FAM120B: variants seen among roughly 807,000 people sequenced by gnomAD.
The protein encoded by FAM120B is constitutive coactivator of peroxisome proliferator-activated receptor gamma.
FAM120B carries 83 observed loss-of-function variants against 96.3 expected under a neutral mutation model. The ratio of observed to expected loss-of-function variants is 0.86; its 90% CI spans 0.72 to 1.03. The LOEUF is 1.03. Ranked by LOEUF, FAM120B falls within the 50% of genes least tolerant of loss-of-function variation. The pLI, the probability that FAM120B is intolerant of heterozygous loss-of-function variation, is 0.00. For missense variants in FAM120B, 1,027 were observed against 1,121.2 expected, an observed-to-expected ratio of 0.92 and a Z score of 1.20; for synonymous variants, 407 against 402.7, an observed-to-expected ratio of 1.01 and a Z score of -0.13.
chr6:170,317,588 A>T lies in FAM120B; in HGVS notation c.198A>T (p.Glu66Asp). Residue 66 changes from glutamate to aspartate, a missense_variant, in exon 2 of 11, where the codon GAA becomes GAT. By Grantham distance (45) the Glu-to-Asp change is conservative. Around this residue, in one of 3 missense-constraint regions of FAM120B, gnomAD observed 880 missense variants for 980.9 expected, o/e 0.90. Coordinates refer to ENST00000476287, the MANE Select transcript of FAM120B (RefSeq NM_032448.3). ...GGATCTGCGGTGGCCAGTGGCGAGA[A>T]TACTTTTCTGCTTTGCGAGATTTTG... Reference protein sequence around the residue: ...ESWICGGQWREYFSALRDFVK... With the variant: ...ESWICGGQWRDYFSALRDFVK... The T allele has an allele frequency of 1.9e-6, 3 of 1,614,208 alleles. No homozygotes were observed. Among genetic ancestry groups the T allele is most frequent in the Non-Finnish European group, 1.7e-6 (2 of 1,180,032 alleles).
chr6:170,377,165 G>A (rs1228170009), intron 6 of FAM120B, among the ~76,000 whole-genome samples: 8 of 111,550 alleles, frequency 7.2e-5, no homozygotes, highest in South Asian at 3.5e-4. Flanking sequence ...CTGTGCACAC[G>A]CGTCCCTAAA....
At chr6:170,392,930 G>A (rs1476025677) in intron 8 of FAM120B, among the ~76,000 whole-genome samples, 3 of 152,128 alleles carry the variant, frequency 2.0e-5, no homozygotes, top group Non-Finnish European at 4.4e-5. Flanking sequence ...GACAGAGATT[G>A]AGACCCCCAA....
intron 3 of FAM120B, among the ~76,000 whole-genome samples, chr6:170,324,475 C>A (rs945246463): frequency 8.5e-5 from 13 of 152,256 alleles, no homozygotes; most frequent in African/African-American, 3.1e-4. Flanking sequence ...TGCTCTCTAC[C>A]CGCATTCTTT....
At chr6:170,302,245 G>A (rs780418121), upstream of FAM120B, among the ~76,000 whole-genome samples, 3 of 152,194 alleles carry the variant, frequency 2.0e-5, no homozygotes, top group Non-Finnish European at 1.5e-5. Context: ...GGAGAAATGT[G>A]GAGTGACGCA....
Position 170,384,573 on chromosome 6 carries a change from G to A in FAM120B, c.2284-3714G>A, listed in dbSNP as rs571589958. 7.2e-5 allele frequency among the ~76,000 whole-genome samples: 11 copies of A among 152,296 alleles called. No homozygotes were observed. The South Asian group carries it at 8.3e-4, about 11-fold the overall frequency. ...GGGACATTTGAGAAGAAAGGTCAGC[G>A]CCCCAGGATTATTTCCGGATTCTCT... On this transcript the variant is annotated intron_variant, in intron 6 of 10. Transcript: ENST00000476287.
upstream of FAM120B, among the ~76,000 whole-genome samples, chr6:170,305,143 G>C (rs1784237487): frequency 6.6e-6 from 1 of 151,976 alleles, no homozygotes; most frequent in African/African-American, 2.4e-5. Context: ...CATCACGCTG[G>C]GATTAATTTC....
At chr6:170,395,669 C>A in intron 9 of FAM120B, 90 bp downstream of exon 9, 1 of 889,704 alleles carries the variant, frequency 1.1e-6, no homozygotes, top group Non-Finnish European at 1.8e-6. Flanking sequence ...TCCTCTGTTT[C>A]AGAAAGGTTG....
rs776399101 is a variant in FAM120B at position 170,318,276 on chromosome 6, C to CT, written c.892dup (p.Tyr298LeufsTer2). 1.2e-6 allele frequency: 2 copies of CT among 1,614,078 alleles called. No homozygotes were observed. The highest frequency in any genetic ancestry group is 1.1e-5 in the South Asian group (1 of 91,068). Reference sequence around the variant, plus strand: ...ATTACCTCTGGGACCAAACAAAGCTCTTTTTTATAAAGGAATGGCATCATA... The same window carrying CT: ...ATTACCTCTGGGACCAAACAAAGCTCTTTTTTTATAAAGGAATGGCATCATA... On this transcript the variant is annotated frameshift_variant, in exon 2 of 11. Coordinates refer to ENST00000476287, the MANE Select transcript of FAM120B (RefSeq NM_032448.3). LOFTEE classifies it high-confidence loss of function.
At chr6:170,351,936 A>T (rs918230752) in intron 5 of FAM120B, among the ~76,000 whole-genome samples, 1 of 152,240 alleles carries the variant, frequency 6.6e-6, no homozygotes. Flanking sequence ...TTCACACAGA[A>T]CAATAGTAAC....
chr6:170,354,651 C>T lies in FAM120B; in HGVS notation c.2191-3575C>T, dbSNP rs576156242. ...TCAAAAGAGGACATATAGCCGGGCGCGGTGGCTGATGCCTGTAATCCCAGC... is the reference window on the plus strand; with the variant it reads ...TCAAAAGAGGACATATAGCCGGGCGTGGTGGCTGATGCCTGTAATCCCAGC... On this transcript the variant is annotated intron_variant, in intron 5 of 10. Transcript: ENST00000476287. Among the ~76,000 whole-genome samples the T allele has an allele frequency of 1.4e-4, 21 of 152,184 alleles. No individual in the cohort carries two copies. In the East Asian group the frequency reaches 2.3e-3, roughly 17 times the overall value.
upstream of FAM120B, chr6:170,295,293 AC>A: frequency 1.5e-6 from 1 of 656,936 alleles, no homozygotes; most frequent in Non-Finnish European, 2.8e-6. This position sits in a 1 kb window ranked among gnomAD's most constrained non-coding sequence, Gnocchi z 7.8. Flanking sequence ...AGCCACGCCC[AC>A]CCAAGTGGGT....
At position 170,406,795 on chromosome 6, in the gene FAM120B, C is replaced by T. The variant is rs1006791894; in HGVS notation, c.*2044C>T. 2.0e-5 allele frequency: 3 copies of T among 152,108 alleles called. No individual in the cohort carries two copies. The highest frequency in any genetic ancestry group is 7.2e-5 in the African/African-American group (3 of 41,410). 9.4% of individuals were successfully genotyped at this position (152,108 alleles called of 1,614,324 possible). On this transcript the variant is annotated 3_prime_UTR_variant, in exon 11 of 11. Coordinates refer to ENST00000476287, the MANE Select transcript of FAM120B (RefSeq NM_032448.3). ...ACTTGTATAACTTTGAAATAAATTC[C>T]TCATCCCTTAGACTAAGAGAGTGGG...
rs950307031 is a variant in FAM120B, at chr6:170,295,539, G to C, written c.48+86G>C. The C allele has an allele frequency of 1.6e-6, 1 of 625,576 alleles. No individual in the cohort carries two copies. Among genetic ancestry groups the C allele is most frequent in the African/African-American group, 1.9e-5 (1 of 52,160 alleles). The allele number at this position is 625,576 out of a possible 1,614,324, so 38.8% of individuals were successfully genotyped here. ...GGGCAGGAGCGCGACCCCCGGCGCG[G>C]GCAGCTCTGCGCGAAGGTGGGCGAC... is the stretch of plus-strand genomic sequence containing the variant. On this transcript the variant is annotated intron_variant, in intron 1 of 10. Coordinates refer to the FAM120B transcript ENST00000537664. This position sits in a 1 kb window ranked among gnomAD's most constrained non-coding sequence, Gnocchi z 7.8.
At chr6:170,342,185 T>G (rs187548388) in intron 4 of FAM120B, among the ~76,000 whole-genome samples, 17 of 151,976 alleles carry the variant, frequency 1.1e-4, no homozygotes, top group African/African-American at 3.9e-4. Context: ...TTGTTTTTTG[T>G]TTTTTTTCCT....
intron 6 of FAM120B, among the ~76,000 whole-genome samples, chr6:170,368,827 G>GGC (rs1554287966): frequency 1.1e-4 from 17 of 149,530 alleles, no homozygotes; most frequent in African/African-American, 3.8e-4. Flanking sequence ...GGCTGGGGGG[G>GGC]GGGCTCCCTC....
chr6:170,350,498 C>A (rs1304266537), intron 5 of FAM120B, among the ~76,000 whole-genome samples: 1 of 152,242 alleles, frequency 6.6e-6, no homozygotes, highest in East Asian at 1.9e-4. Context: ...TGAGTCCTCC[C>A]AGTAGGGGTC....
intron 6 of FAM120B, among the ~76,000 whole-genome samples, chr6:170,360,536 A>G (rs183244571): frequency 2.6e-5 from 4 of 152,306 alleles, no homozygotes; most frequent in South Asian, 4.1e-4. Context: ...AAGCACTCCC[A>G]TAAGTACGCA....
chr6:170,309,016 TC>T (rs1226940662), intron 1 of FAM120B, among the ~76,000 whole-genome samples: 2 of 152,202 alleles, frequency 1.3e-5, no homozygotes, highest in Admixed American at 1.3e-4. Context: ...GAGTTGCCAC[TC>T]CCTTTAAGAA....
intron 1 of FAM120B, among the ~76,000 whole-genome samples, chr6:170,301,103 C>T (rs1784131413): frequency 6.6e-6 from 1 of 152,276 alleles, no homozygotes; most frequent in Non-Finnish European, 1.5e-5. Context: ...AGCAGAGCTT[C>T]TCCATGAGGG....
Sources: gnomAD v4.1 joint callset for allele counts (sites outside exome capture counted in the v4.1 genomes callset) on GRCh38, gnomAD v4.1.1 for gene constraint, gnomAD v4.1.1 regional missense constraint, Gnocchi (gnomAD v3.1) non-coding constraint, MANE v1.5 for transcripts, NCBI Gene and HGNC (gene_info 2026-07-23, HGNC 2026-07-21) for gene names.